The following CUBN variants were observed in gnomAD, a reference collection of about 807,000 sequenced individuals.
CUBN encodes 460 kDa receptor.
Under a neutral mutation model 405.3 loss-of-function variants are expected in CUBN, and 282 were observed. That is an observed-to-expected ratio of 0.70 (90% confidence interval 0.63 to 0.77). The LOEUF (loss-of-function observed/expected upper bound fraction) is 0.77. Among genes scored for constraint, CUBN ranks in the 30% least tolerant of loss-of-function variants. The probability of loss-of-function intolerance (pLI) is 0.00; values close to 1 mark genes in which losing one functional copy is unlikely to be tolerated. For missense variants in CUBN, 4,514 were observed against 4,475.2 expected (o/e 1.01, Z -0.25); for synonymous variants, 1,684 against 1,617.0 (o/e 1.04, Z -0.99).
At chr10:16,828,718 A>G (rs1297512252) in intron 66 of CUBN, 87 bp downstream of exon 66, 6 of 1,082,928 alleles carry the variant, frequency 5.5e-6, no homozygotes, top group Non-Finnish European at 8.4e-6. Flanking sequence ...GCGAGATTCC[A>G]TCTTAAAAAA....
At chr10:16,931,544 C>T (rs1289459861) in intron 40 of CUBN, among the ~76,000 whole-genome samples, 6 of 152,232 alleles carry the variant, frequency 3.9e-5, no homozygotes, top group Non-Finnish European at 5.9e-5. Flanking sequence ...TGTGCCTGAG[C>T]AAGGGCACTG....
At chr10:16,968,621 T>C (rs1196979983) in intron 31 of CUBN, among the ~76,000 whole-genome samples, 3 of 152,204 alleles carry the variant, frequency 2.0e-5, no homozygotes, top group Non-Finnish European at 4.4e-5. Context: ...TGAACGGACT[T>C]TCCTCTTCCT....
intron 66 of CUBN, 28 bp downstream of exon 66, chr10:16,828,777 G>T: frequency 6.7e-7 from 1 of 1,496,362 alleles, no homozygotes; most frequent in Non-Finnish European, 9.3e-7. Context: ...AATAACAAAT[G>T]GGAATATAAA....
chr10:16,838,706 G>A (rs1396824723), intron 62 of CUBN, among the ~76,000 whole-genome samples: 1 of 152,112 alleles, frequency 6.6e-6, no homozygotes, highest in East Asian at 1.9e-4. Flanking sequence ...GTGCAGTGGC[G>A]CGATCTTGGC....
At chr10:16,938,851 G>A (rs1209990612) in intron 38 of CUBN, 112 bp downstream of exon 38, 1 of 925,536 alleles carries the variant, frequency 1.1e-6, no homozygotes, top group South Asian at 1.3e-5. Flanking sequence ...ATGATTTAGA[G>A]CAGACTATCC....
chr10:17,023,139 G>A (rs1039065178), intron 27 of CUBN, among the ~76,000 whole-genome samples: 1 of 151,798 alleles, frequency 6.6e-6, no homozygotes, highest in Non-Finnish European at 1.5e-5. Flanking sequence ...CGCATTGAAG[G>A]AGACCCCTGG....
At chr10:17,102,388 G>A (rs1836514565) in intron 13 of CUBN, among the ~76,000 whole-genome samples, 1 of 151,664 alleles carries the variant, frequency 6.6e-6, no homozygotes, top group Non-Finnish European at 1.5e-5. Flanking sequence ...CTGAGCTCAA[G>A]TGATTCTCCT....
chr10:17,064,205 A>C (rs548484112), intron 22 of CUBN, among the ~76,000 whole-genome samples: 1 of 152,196 alleles, frequency 6.6e-6, no homozygotes, highest in African/African-American at 2.4e-5. Flanking sequence ...GTATTGATTG[A>C]TTCTCTCACA....
At chr10:16,958,142 G>A (rs555588498) in intron 31 of CUBN, among the ~76,000 whole-genome samples, 11 of 152,024 alleles carry the variant, frequency 7.2e-5, no homozygotes, top group East Asian at 1.9e-4. Flanking sequence ...AAAATCACCC[G>A]AATCACCCAT....
At chr10:16,991,505 G>A (rs116867125) in intron 28 of CUBN, among the ~76,000 whole-genome samples, 2,197 of 152,264 alleles carry the variant, frequency 0.014, 24 homozygotes, top group Middle Eastern at 0.044. Flanking sequence ...CTTTGCAGAA[G>A]AGGTAAAATT....
intron 31 of CUBN, among the ~76,000 whole-genome samples, chr10:16,981,993 T>C (rs929762825): frequency 6.6e-6 from 1 of 152,234 alleles, no homozygotes; most frequent in South Asian, 2.1e-4. Context: ...ATAATAATAA[T>C]TGATCTAAAA....
intron 31 of CUBN, among the ~76,000 whole-genome samples, chr10:16,961,992 G>A (rs1182280427): frequency 2.6e-5 from 4 of 152,086 alleles, no homozygotes; most frequent in African/African-American, 7.2e-5. Flanking sequence ...GATTACAGGC[G>A]TGAGCCATGG....
chr10:17,073,154 T>C (rs148639719), intron 17 of CUBN, among the ~76,000 whole-genome samples: 133 of 152,304 alleles, frequency 8.7e-4, no homozygotes, highest in African/African-American at 3.0e-3. Flanking sequence ...ATAAAAACTA[T>C]AGACTGATGT....
At chr10:16,949,029 T>C (rs2131622914) in intron 34 of CUBN, among the ~76,000 whole-genome samples, 1 of 152,318 alleles carries the variant, frequency 6.6e-6, no homozygotes, top group East Asian at 1.9e-4. Context: ...TGTGTGATCC[T>C]AGGCAAGTGA....
At chr10:16,878,831 G>C (rs1840587864) in intron 56 of CUBN, among the ~76,000 whole-genome samples, 1 of 152,168 alleles carries the variant, frequency 6.6e-6, no homozygotes, top group Non-Finnish European at 1.5e-5. Context: ...GACCTTTTGT[G>C]GCTGGCTTCT....
intron 27 of CUBN, among the ~76,000 whole-genome samples, chr10:17,031,890 C>T (rs565615649): frequency 1.3e-5 from 2 of 152,346 alleles, no homozygotes; most frequent in African/African-American, 2.4e-5. Context: ...CACTGATTTA[C>T]GCTTCACTTA....
At position 16,918,558 on chromosome 10, in the gene CUBN, C is replaced by G. The variant is rs554388805; in HGVS notation, c.7000+64G>C. The G allele has an allele frequency of 1.9e-3, 2,435 of 1,253,690 alleles. 12 individuals are homozygous for G. The highest frequency in any genetic ancestry group is 7.1e-3 in the South Asian group (563 of 78,818). The allele number at this position is 1,253,690 out of a possible 1,614,324, so 77.7% of individuals were successfully genotyped here. On this transcript the variant is annotated intron_variant, in intron 45 of 66. Coordinates refer to ENST00000377833, the MANE Select transcript of CUBN (RefSeq NM_001081.4). ...CAACAAACCCCCAAACACGAATTTA[C>G]CTATATAACAAATCTGCACATGTAC...
Position 17,030,645 on chromosome 10 carries a change from G to T in CUBN, c.4017+10388C>A, listed in dbSNP as rs566791421. Reference sequence around the variant, plus strand: ...TAAGAATAAGCATTGTTGGTCGGGCGTGGTGGCTCATGCCTGTAATCCCTG... The same window carrying T: ...TAAGAATAAGCATTGTTGGTCGGGCTTGGTGGCTCATGCCTGTAATCCCTG... On this transcript the variant is annotated intron_variant, in intron 27 of 66. Transcript: ENST00000377833. 3.3e-5 allele frequency among the ~76,000 whole-genome samples: 5 copies of T among 152,268 alleles called. No homozygotes were observed. In the South Asian group the frequency reaches 6.2e-4, roughly 19 times the overall value.
At chr10:16,899,683 AAATT>A (rs1316131961) in intron 53 of CUBN, among the ~76,000 whole-genome samples, 3 of 152,356 alleles carry the variant, frequency 2.0e-5, no homozygotes, top group African/African-American at 7.2e-5. Flanking sequence ...TGATGGATCA[AAATT>A]AATTATGTAG....
Sources: allele counts gnomAD v4.1 joint callset (sites outside exome capture counted in the v4.1 genomes callset), GRCh38; gene constraint gnomAD v4.1.1; transcripts MANE v1.5; gene names NCBI Gene and HGNC (gene_info 2026-07-23, HGNC 2026-07-21).